Variants in IFT80 observed in about 807,000 individuals in gnomAD.
The protein encoded by IFT80 is intraflagellar transport protein 80 homolog.
IFT80 carries 79 observed loss-of-function variants against 107.9 expected under a neutral mutation model. That is an observed-to-expected ratio of 0.73 (90% CI 0.61 to 0.88). The LOEUF (loss-of-function observed/expected upper bound fraction) is 0.88. Among genes scored for constraint, IFT80 ranks in the 40% least tolerant of loss-of-function variants. The probability of loss-of-function intolerance (pLI) is 0.00; values close to 1 mark genes in which losing one functional copy is unlikely to be tolerated. For synonymous variants in IFT80, 299 were observed against 300.9 expected (o/e 0.99, Z 0.07); for missense variants, 797 against 914.2 (o/e 0.87, Z 1.65).
At chr3:160,307,947 T>C (rs1559930917) in intron 9 of IFT80, among the ~76,000 whole-genome samples, 166 bp from the exon 10 acceptor site, 1 of 152,100 alleles carries the variant, frequency 6.6e-6, no homozygotes, top group Non-Finnish European at 1.5e-5. Context: ...ATACCTAATA[T>C]TAAAAAACCA....
At chr3:160,263,802 G>A (rs1713059925) in intron 19 of IFT80, among the ~76,000 whole-genome samples, 3 of 151,836 alleles carry the variant, frequency 2.0e-5, no homozygotes, top group South Asian at 2.1e-4. Flanking sequence ...TCAGCCTCCC[G>A]AGTAGCTGGG....
intron 5 of IFT80, among the ~76,000 whole-genome samples, chr3:160,374,810 C>G (rs1711872370): frequency 1.3e-5 from 2 of 152,162 alleles, no homozygotes; most frequent in South Asian, 4.1e-4. Context: ...AATAAGTTGA[C>G]TTTTGCTGTT....
At chr3:160,384,408 C>A in intron 2 of IFT80, 156 bp downstream of exon 2, 1 of 1,322,540 alleles carries the variant, frequency 7.6e-7, no homozygotes, top group East Asian at 3.0e-5. Context: ...TTACTTACAA[C>A]ACATGATCTT....
chr3:160,338,043 C>A (rs1292424690), intron 8 of IFT80, among the ~76,000 whole-genome samples: 2 of 152,130 alleles, frequency 1.3e-5, no homozygotes, highest in African/African-American at 4.8e-5. Context: ...CTATCACTTT[C>A]TATCAAAACT....
rs565892954 is a variant in IFT80, at chr3:160,305,962, A to C, written c.1076+1701T>G. Among the ~76,000 whole-genome samples, 12 of 152,260 alleles carry C rather than the reference A, an allele frequency of 7.9e-5. No individual in the cohort carries two copies. The South Asian group carries it at 2.5e-3, about 32-fold the overall frequency. On this transcript the variant is annotated intron_variant, in intron 10 of 19. Coordinates refer to ENST00000326448, the MANE Select transcript of IFT80 (RefSeq NM_020800.3). ...CATGAAAGTATAACAGTTGCTCAAT[A>C]AGTGATAGTCATTATTATCTAAAAT...
chr3:160,320,991 T>C (rs532352309), intron 8 of IFT80, among the ~76,000 whole-genome samples: 1 of 151,934 alleles, frequency 6.6e-6, no homozygotes, highest in East Asian at 1.9e-4. Context: ...CTTTTACAAC[T>C]CTCCCCACCC....
In IFT80 at chr3:160,324,556, A is replaced by T. The variant is rs189279874; in HGVS notation, c.778-4617T>A. Among the ~76,000 whole-genome samples, 551 of 152,282 alleles carry T rather than the reference A, an allele frequency of 3.6e-3. 3 individuals are homozygous for T. Among genetic ancestry groups the T allele is most frequent in the African/African-American group, 0.013 (533 of 41,562 alleles). ...CATGATTATCTCAACAGATGCAGAA[A>T]AGGCCTTTGACAAAATTCAACAACC... is the stretch of plus-strand genomic sequence containing the variant. On this transcript the variant is annotated intron_variant, in intron 8 of 19. Transcript: ENST00000326448.
chr3:160,335,347 G>A (rs548007204), intron 8 of IFT80, among the ~76,000 whole-genome samples: 6 of 150,946 alleles, frequency 4.0e-5, no homozygotes, highest in South Asian at 4.2e-4. Flanking sequence ...TCAGCCTCCC[G>A]AGTAGCTGGG....
intron 1 of IFT80, among the ~76,000 whole-genome samples, chr3:160,396,682 T>A (rs1713802525): frequency 6.6e-6 from 1 of 152,160 alleles, no homozygotes; most frequent in Non-Finnish European, 1.5e-5. Context: ...TAAGACCCAG[T>A]TATAGCAATA....
intron 12 of IFT80, among the ~76,000 whole-genome samples, chr3:160,286,537 G>C (rs1267120208): frequency 2.0e-5 from 3 of 152,184 alleles, no homozygotes; most frequent in Non-Finnish European, 4.4e-5. Context: ...GCCCAGGTGT[G>C]TTGACAGCTT....
chr3:160,273,042 C>A (rs1226163397), intron 18 of IFT80, among the ~76,000 whole-genome samples: 1 of 152,118 alleles, frequency 6.6e-6, no homozygotes, highest in Admixed American at 6.5e-5. Flanking sequence ...CCAATCCTTA[C>A]CCATCTCACG....
At chr3:160,280,554 A>C in intron 15 of IFT80, 113 bp downstream of exon 15, 1 of 849,960 alleles carries the variant, frequency 1.2e-6, no homozygotes, top group Non-Finnish European at 1.9e-6. Flanking sequence ...ATTCATCAAT[A>C]AATCTGACTG....
chr3:160,272,101 T>C (rs1713855211), intron 18 of IFT80, among the ~76,000 whole-genome samples: 1 of 152,082 alleles, frequency 6.6e-6, no homozygotes, highest in Non-Finnish European at 1.5e-5. Context: ...ATAGGTCCAG[T>C]TTCTTCAATG....
At chr3:160,288,507 A>G (rs1010899162) in intron 12 of IFT80, among the ~76,000 whole-genome samples, 25 of 152,256 alleles carry the variant, frequency 1.6e-4, no homozygotes, top group Non-Finnish European at 3.5e-4. Context: ...ATTAAACTTA[A>G]GACCTTCTGC....
Position 160,339,539 on chromosome 3 carries a change from T to TA in IFT80, c.777+16473_777+16474insT, listed in dbSNP as rs558001214. ...CTTACCACAATTTTTGTCTCCAAAA[T>TA]GTGGTAAGGTTTTCTATTTTTCTCT... On this transcript the variant is annotated intron_variant, in intron 8 of 19. Coordinates refer to ENST00000326448, the MANE Select transcript of IFT80 (RefSeq NM_020800.3). Among the ~76,000 whole-genome samples, 18 of 152,330 alleles carry TA rather than the reference T, an allele frequency of 1.2e-4. No individual in the cohort carries two copies. In the South Asian group the frequency reaches 3.5e-3, roughly 30 times the overall value.
At chr3:160,279,648 TAA>T (rs1350175720) in intron 15 of IFT80, among the ~76,000 whole-genome samples, 2 of 148,162 alleles carry the variant, frequency 1.3e-5, no homozygotes, top group Admixed American at 1.3e-4. Context: ...GAGCTATTCC[TAA>T]GAGCATTTGA....
At chr3:160,375,699 A>G (rs1711959907) in intron 5 of IFT80, 113 bp downstream of exon 5, 2 of 719,504 alleles carry the variant, frequency 2.8e-6, no homozygotes, top group African/African-American at 1.8e-5. Flanking sequence ...ACTGTTTTGA[A>G]CTCAACCAAA....
intron 8 of IFT80, among the ~76,000 whole-genome samples, chr3:160,322,409 C>T (rs1162899806): frequency 6.6e-6 from 1 of 151,808 alleles, no homozygotes; most frequent in African/African-American, 2.4e-5. Context: ...TGTATATGTG[C>T]CACATTTTCT....
At position 160,272,688 on chromosome 3, in the gene IFT80, C is replaced by T. The variant is rs115784991; in HGVS notation, c.2100-4152G>A. 4.6e-3 allele frequency among the ~76,000 whole-genome samples: 704 copies of T among 152,258 alleles called. 6 individuals carry two copies. Among genetic ancestry groups the T allele is most frequent in the African/African-American group, 0.016 (679 of 41,554 alleles). On this transcript the variant is annotated intron_variant, in intron 18 of 19. Coordinates refer to ENST00000326448, the MANE Select transcript of IFT80 (RefSeq NM_020800.3). Reference sequence around the variant, plus strand: ...CCATACTCATGGCCTCAACTACTGTCTGTAGACTGATAATTCCTTCACTGG... The same window carrying T: ...CCATACTCATGGCCTCAACTACTGTTTGTAGACTGATAATTCCTTCACTGG...
Sources: allele counts gnomAD v4.1 joint callset (sites outside exome capture counted in the v4.1 genomes callset), GRCh38; gene constraint gnomAD v4.1.1; transcripts MANE v1.5; gene names NCBI Gene and HGNC (gene_info 2026-07-23, HGNC 2026-07-21).